Variants in UHRF1 observed in about 807,000 individuals in gnomAD.
UHRF1 encodes ubiquitin like with PHD and ring finger domains 1.
UHRF1 carries 9 observed loss-of-function variants against 96.5 expected under a neutral mutation model. The observed-to-expected ratio is 0.09, with a 90% confidence interval of 0.06 to 0.16. UHRF1 has a LOEUF of 0.16. Ranked by LOEUF, UHRF1 falls within the 10% of genes least tolerant of loss-of-function variation. The pLI is 1.00. For synonymous variants in UHRF1, 455 were observed against 469.9 expected, an observed-to-expected ratio of 0.97 and a Z score of 0.41; for missense variants, 626 against 1,131.1, an observed-to-expected ratio of 0.55 and a Z score of 6.40.
chr19:4,947,625 T>C (rs2145193428), intron 11 of UHRF1, among the ~76,000 whole-genome samples: 1 of 148,560 alleles, frequency 6.7e-6, no homozygotes, highest in South Asian at 2.2e-4. Context: ...CTCAGCCTCC[T>C]GAGTAGCTGG....
At chr19:4,935,500 T>C (rs1393360968) in intron 5 of UHRF1, among the ~76,000 whole-genome samples, 1 of 152,136 alleles carries the variant, frequency 6.6e-6, no homozygotes, top group Non-Finnish European at 1.5e-5. Flanking sequence ...GCTCTTGTGG[T>C]GGCTGATATA....
chr19:4,924,190 C>T (rs1021826547), intron 2 of UHRF1, among the ~76,000 whole-genome samples: 2 of 152,086 alleles, frequency 1.3e-5, no homozygotes, highest in Non-Finnish European at 2.9e-5. Context: ...CGCTCTGTCG[C>T]CCAGGCTGCA....
chr19:4,943,507 C>CCT (rs1555752760), intron 7 of UHRF1, among the ~76,000 whole-genome samples: 4 of 151,054 alleles, frequency 2.6e-5, no homozygotes, highest in Non-Finnish European at 4.4e-5. Context: ...CCCCCCTCCC[C>CCT]ACATCGTAGA....
intron 1 of UHRF1, 133 bp downstream of exon 1, chr19:4,909,788 C>T (rs1042872352): frequency 1.1e-5 from 5 of 455,414 alleles, no homozygotes; most frequent in Admixed American, 4.4e-5. Context: ...CCAGGGCCTC[C>T]CCTTCCACCT....
upstream of UHRF1, among the ~76,000 whole-genome samples, chr19:4,907,704 C>CTTTTTTTTTTTTT (rs59867968): frequency 2.1e-5 from 1 of 47,670 alleles, no homozygotes; most frequent in Non-Finnish European, 3.6e-5. Context: ...TTGGCCTGAT[C>CTTTTTTTTTTTTT]TTTTTTTTTT....
intron 2 of UHRF1, among the ~76,000 whole-genome samples, chr19:4,926,260 G>C (rs966490041): frequency 2.0e-5 from 3 of 152,188 alleles, no homozygotes; most frequent in African/African-American, 7.2e-5. Context: ...GAGTGATGCC[G>C]TGTGAACCTG....
intron 2 of UHRF1, among the ~76,000 whole-genome samples, chr19:4,926,250 G>A (rs889487329): frequency 2.0e-5 from 3 of 152,176 alleles, no homozygotes; most frequent in Admixed American, 1.3e-4. Context: ...AGGCTGTTGC[G>A]AGTGATGCCG....
At chr19:4,913,469 G>T (rs1006265463) in intron 2 of UHRF1, among the ~76,000 whole-genome samples, 1 of 151,962 alleles carries the variant, frequency 6.6e-6, no homozygotes, top group African/African-American at 2.4e-5. Flanking sequence ...TGGCCAGGCT[G>T]GTCTTGAACT....
rs897033697 is a variant in UHRF1 at position 4,930,701 on chromosome 19, C to G, written c.409-15C>G. ...TCACCCCGTTGGGATGCCAGACTTC[C>G]CTCATTCCTCACAGGTCAATGAGTA... On this transcript the variant is annotated splice_polypyrimidine_tract_variant and intron_variant, in intron 3 of 16. Transcript: ENST00000650932. The surrounding 1 kb of genome is among the most constrained non-coding windows in gnomAD (Gnocchi z 4.4). The G allele has an allele frequency of 2.4e-5, 38 of 1,611,994 alleles. No homozygotes were observed. Among genetic ancestry groups the G allele is most frequent in the Non-Finnish European group, 3.1e-5 (36 of 1,178,964 alleles).
At position 4,944,467 on chromosome 19, in the gene UHRF1, G is replaced by A. The variant is rs769106768; in HGVS notation, c.1305+17G>A. The A allele has an allele frequency of 1.3e-5, 21 of 1,613,096 alleles. No homozygotes were observed. In the Admixed American group the frequency reaches 1.3e-4, roughly 10 times the overall value. The stretch of plus-strand genomic sequence containing the variant: ...CGAGTCCAGGTACCTGCAGCGTCCC[G>A]GGGCTCCAGGGGCCACGCGGGCTCA... On this transcript the variant is annotated intron_variant, in intron 9 of 16. Transcript: ENST00000650932.
intron 13 of UHRF1, among the ~76,000 whole-genome samples, chr19:4,951,933 A>G (rs1239452141): frequency 6.6e-6 from 1 of 152,128 alleles, no homozygotes; most frequent in Non-Finnish European, 1.5e-5. Context: ...TATTTAAGGA[A>G]TCTTAATTGC....
chr19:4,954,234 G>C lies in UHRF1; in HGVS notation c.1819-116G>C, dbSNP rs761908754. ...AGGACTACCCTGTGCTCTTCAGGGG[G>C]ATTGGGGGTCAGGTGTGTCTGGAAA... is the stretch of plus-strand genomic sequence containing the variant. On this transcript the variant is annotated intron_variant, in intron 13 of 16. Transcript: ENST00000650932. This position sits in a 1 kb window ranked among gnomAD's most constrained non-coding sequence, Gnocchi z 5.9. 7 of 1,483,622 alleles carry C rather than the reference G, an allele frequency of 4.7e-6. No individual in the cohort carries two copies. Among genetic ancestry groups the C allele is most frequent in the Non-Finnish European group, 6.4e-6 (7 of 1,099,210 alleles). 91.9% of individuals were successfully genotyped at this position (1,483,622 alleles called of 1,614,324 possible).
intron 13 of UHRF1, among the ~76,000 whole-genome samples, chr19:4,952,455 A>G (rs2033745035): frequency 7.8e-6 from 1 of 128,678 alleles, no homozygotes. Context: ...GAGTGCAGGC[A>G]TGATCTCGGC....
In UHRF1 at chr19:4,954,252, T is replaced by C; in HGVS notation, c.1819-98T>C. On this transcript the variant is annotated intron_variant, in intron 13 of 16. Transcript: ENST00000650932. This position sits in a 1 kb window ranked among gnomAD's most constrained non-coding sequence, Gnocchi z 5.9. ...TCAGGGGGATTGGGGGTCAGGTGTG[T>C]CTGGAAACCCAGACCTGGCAAGGAG... The C allele has an allele frequency of 1.3e-6, 2 of 1,529,854 alleles. No individual in the cohort carries two copies. The highest frequency in any genetic ancestry group is 1.4e-5 in the African/African-American group (1 of 72,832). The allele number at this position is 1,529,854 out of a possible 1,614,324, so 94.8% of individuals were successfully genotyped here. A position where few individuals can be genotyped will look rare whatever the true frequency, so the allele number is the denominator to read the frequency against.
intron 11 of UHRF1, 81 bp downstream of exon 11, chr19:4,947,292 A>T: frequency 7.9e-7 from 1 of 1,273,386 alleles, no homozygotes; most frequent in Non-Finnish European, 1.1e-6. Context: ...CATGTCCAGC[A>T]AGTGATAGTC....
Position 4,941,581 on chromosome 19 carries a change from T to C in UHRF1, c.839T>C (p.Ile280Thr). 3 of 1,613,844 alleles carry C rather than the reference T, an allele frequency of 1.9e-6. No homozygotes were observed. The highest frequency in any genetic ancestry group is 2.5e-6 in the Non-Finnish European group (3 of 1,179,824). Residue 280 changes from isoleucine to threonine, a missense_variant, in exon 6 of 17, where the codon ATT becomes ACT. By Grantham distance (89) the Ile-to-Thr change is moderately conservative. Coordinates refer to ENST00000650932, the MANE Select transcript of UHRF1 (RefSeq NM_001048201.3). ...ATCTTCGTGGACGAAGTCTTCAAGA[T>C]TGAGCGGCCGGGTGAAGGGAGCCCC... ...RIIFVDEVFKIERPGEGSPMV... is the reference protein window; with the variant it reads ...RIIFVDEVFKTERPGEGSPMV...
At chr19:4,945,992 G>A (rs1485357074) in intron 10 of UHRF1, 27 bp downstream of exon 10, 6 of 1,200,768 alleles carry the variant, frequency 5.0e-6, no homozygotes, top group Admixed American at 4.1e-5. Flanking sequence ...GAGGGGTGGG[G>A]GAGGGTTGCT....
intron 4 of UHRF1, among the ~76,000 whole-genome samples, chr19:4,932,000 C>T (rs144079984): frequency 3.3e-5 from 5 of 152,288 alleles, no homozygotes; most frequent in South Asian, 4.1e-4. Flanking sequence ...GGCGCGATCT[C>T]GGCTCACCGC....
At chr19:4,934,706 C>G (rs986918512) in intron 5 of UHRF1, among the ~76,000 whole-genome samples, 10 of 152,144 alleles carry the variant, frequency 6.6e-5, no homozygotes, top group Non-Finnish European at 1.5e-5. Flanking sequence ...CAACGGCGTT[C>G]CAAGTACAGG....
Sources: allele counts gnomAD v4.1 joint callset (sites outside exome capture counted in the v4.1 genomes callset), GRCh38; gene constraint gnomAD v4.1.1; non-coding constraint Gnocchi (gnomAD v3.1); transcripts MANE v1.5; gene names NCBI Gene and HGNC (gene_info 2026-07-23, HGNC 2026-07-21).